Variants in SLMAP observed in about 807,000 individuals in gnomAD.
The protein encoded by SLMAP is sarcolemma associated protein.
A neutral mutation model predicts 128.8 loss-of-function variants in SLMAP; 44 were observed. That is an observed-to-expected ratio of 0.34 (90% confidence interval 0.27 to 0.44). The LOEUF (loss-of-function observed/expected upper bound fraction) is 0.44, where lower values mean the gene tolerates loss of function less well. Ranked by LOEUF, SLMAP falls within the 20% of genes least tolerant of loss-of-function variation. The probability of loss-of-function intolerance (pLI) is 1.00; values close to 1 mark genes in which losing one functional copy is unlikely to be tolerated. For synonymous variants in SLMAP, 327 were observed against 348.8 expected (o/e 0.94, Z 0.70); for missense variants, 787 against 985.3 (o/e 0.80, Z 2.69).
chr3:57,788,958 A>G (rs904319867), intron 2 of SLMAP, among the ~76,000 whole-genome samples: 3 of 152,152 alleles, frequency 2.0e-5, no homozygotes, highest in Admixed American at 6.6e-5. Context: ...TAGTGTTTGT[A>G]TACTTCAGTG....
rs1483331103 is a variant in SLMAP at position 57,860,705 on chromosome 3, A to G, written c.694A>G (p.Thr232Ala). The G allele has an allele frequency of 1.3e-6, 2 of 1,556,484 alleles. No homozygotes were observed. Among genetic ancestry groups the G allele is most frequent in the Admixed American group, 2.2e-5 (1 of 45,624 alleles). ...NQLQACSKNQ[T>A]EDSLRKELIA... is the part of the protein sequence containing the mutation. ...TAAATATCTTTTATTGTAGAATCAA[A>G]CAGAAGATAGTTTACGAAAGGAACT... The change falls in exon 9 of 25, where the codon ACA becomes GCA. Residue 232 changes from threonine to alanine, a missense_variant. Physicochemically the swap from Thr to Ala is moderately conservative, Grantham distance 58. Transcript: ENST00000671191.
intron 5 of SLMAP, among the ~76,000 whole-genome samples, chr3:57,848,517 CTT>C (rs2094371322): frequency 6.8e-6 from 1 of 146,856 alleles, no homozygotes; most frequent in Non-Finnish European, 1.5e-5. Flanking sequence ...CTTTCTTCTT[CTT>C]CCTTCTTTCT....
At chr3:57,814,407 C>T (rs1308525319) in intron 2 of SLMAP, among the ~76,000 whole-genome samples, 1 of 152,082 alleles carries the variant, frequency 6.6e-6, no homozygotes, top group Non-Finnish European at 1.5e-5. Flanking sequence ...GCTCAAATTG[C>T]TGAGGTTACA....
chr3:57,892,231 T>C (rs4273341), intron 15 of SLMAP, among the ~76,000 whole-genome samples: 24,109 of 152,172 alleles, frequency 0.16, 2,498 homozygotes, highest in East Asian at 0.44. Context: ...TTGTCTTTAA[T>C]TGGCAATGTT....
intron 10 of SLMAP, 54 bp from the exon 11 acceptor site, chr3:57,864,494 G>A (rs2095236881): frequency 1.1e-5 from 14 of 1,251,512 alleles, no homozygotes; most frequent in South Asian, 3.0e-5. Context: ...CCTGGGGCTC[G>A]CTCTTAAAAC....
rs533802511 is a variant in SLMAP, at chr3:57,897,708, A to G, written c.1501+776A>G. The G allele has an allele frequency of 4.6e-5, 7 of 152,308 alleles. No individual in the cohort carries two copies. The East Asian group carries it at 1.3e-3, about 29-fold the overall frequency. The allele number at this position is 152,308 out of a possible 1,614,324, so 9.4% of individuals were successfully genotyped here. A position where few individuals can be genotyped will look rare whatever the true frequency, so the allele number is the denominator to read the frequency against. On this transcript the variant is annotated intron_variant, in intron 17 of 24. Transcript: ENST00000671191. ...AACTCCATCTCAAAAAAAAAAATGA[A>G]AAAAAGAAAGAAATTTTAGATGTTG...
chr3:57,857,102 A>G (rs568570437), intron 6 of SLMAP, among the ~76,000 whole-genome samples: 7 of 152,212 alleles, frequency 4.6e-5, no homozygotes, highest in Non-Finnish European at 8.8e-5. Context: ...AGCTTTTTCT[A>G]TTGTATGTTT....
intron 2 of SLMAP, among the ~76,000 whole-genome samples, chr3:57,796,099 A>G (rs1181388280): frequency 6.6e-6 from 1 of 152,138 alleles, no homozygotes; most frequent in Non-Finnish European, 1.5e-5. Flanking sequence ...AAGGCCATAA[A>G]CATGTATTTT....
intron 2 of SLMAP, among the ~76,000 whole-genome samples, chr3:57,790,455 G>GA (rs144796582): frequency 2.5e-4 from 37 of 147,262 alleles, no homozygotes; most frequent in Admixed American, 4.0e-4. Flanking sequence ...CAAGGTTAAG[G>GA]AAAAAAAAAA....
chr3:57,828,619 A>T (rs1427306917), intron 2 of SLMAP, among the ~76,000 whole-genome samples: 1 of 152,136 alleles, frequency 6.6e-6, no homozygotes, highest in Non-Finnish European at 1.5e-5. Flanking sequence ...ATTTTATTCT[A>T]AGGTGTTTGA....
chr3:57,867,947 G>A (rs747976258), intron 13 of SLMAP, among the ~76,000 whole-genome samples: 2 of 152,120 alleles, frequency 1.3e-5, no homozygotes, highest in African/African-American at 4.8e-5. Context: ...ATCTTAGAGA[G>A]TAAAGGACAG....
intron 6 of SLMAP, among the ~76,000 whole-genome samples, 179 bp downstream of exon 6, chr3:57,849,995 G>A (rs2094443940): frequency 6.6e-6 from 1 of 152,144 alleles, no homozygotes; most frequent in Non-Finnish European, 1.5e-5. Flanking sequence ...GCAATAAAGT[G>A]AGACCCCTTT....
chr3:57,896,766 G>A (rs1322437741), intron 16 of SLMAP, 107 bp from the exon 17 acceptor site: 7 of 1,404,358 alleles, frequency 5.0e-6, no homozygotes, highest in Non-Finnish European at 6.7e-6. Flanking sequence ...TCAACTACCC[G>A]AATATAATAG....
chr3:57,858,223 G>A (rs188566912), intron 8 of SLMAP, 64 bp downstream of exon 8: 6 of 930,706 alleles, frequency 6.4e-6, no homozygotes, highest in Admixed American at 3.7e-5. Context: ...TCATTTCTTT[G>A]ACTATCATTT....
chr3:57,900,361 T>TC (rs1027243885), intron 17 of SLMAP: 1 of 152,240 alleles, frequency 6.6e-6, no homozygotes, highest in Non-Finnish European at 1.5e-5. Flanking sequence ...ATTTAGTTAC[T>TC]TTTAAATGAG....
chr3:57,807,137 T>C (rs1192326438), intron 2 of SLMAP, among the ~76,000 whole-genome samples: 1 of 152,240 alleles, frequency 6.6e-6, no homozygotes, highest in Non-Finnish European at 1.5e-5. Context: ...CTTTCTTTCA[T>C]ATATTTGTTG....
At chr3:57,789,456 G>A (rs1208295794) in intron 2 of SLMAP, among the ~76,000 whole-genome samples, 1 of 152,134 alleles carries the variant, frequency 6.6e-6, no homozygotes, top group African/African-American at 2.4e-5. Context: ...AGGCCAGGGT[G>A]TTCAGACATC....
At chr3:57,807,193 G>C (rs2090062699) in intron 2 of SLMAP, among the ~76,000 whole-genome samples, 1 of 152,120 alleles carries the variant, frequency 6.6e-6, no homozygotes, top group Non-Finnish European at 1.5e-5. Flanking sequence ...CATATCCTTT[G>C]CCTGCTTTTT....
rs780708181 is a variant in SLMAP at position 57,862,039 on chromosome 3, T to C, written c.919T>C (p.Tyr307His). 6.3e-7 allele frequency: 1 copy of C among 1,595,958 alleles called. No homozygotes were observed. The highest frequency in any genetic ancestry group is 8.6e-7 in the Non-Finnish European group (1 of 1,163,752). The change falls in exon 10 of 25, where the codon TAT becomes CAT. Residue 307 changes from tyrosine to histidine, a missense_variant. Tyr to His is a moderately conservative substitution (Grantham distance 83). Around this residue, in one of 2 missense-constraint regions of SLMAP, gnomAD observed 715 missense variants for 843.6 expected, o/e 0.85. Coordinates refer to ENST00000671191, the MANE Select transcript of SLMAP (RefSeq NM_001377540.1). ...AGAATTAAGAGAATTAGCCAACAAATATAATGGAGCAGTTAATGAGATTAA... is the reference window on the plus strand; with the variant it reads ...AGAATTAAGAGAATTAGCCAACAAACATAATGGAGCAGTTAATGAGATTAA... ...QEELRELANK[Y>H]NGAVNEIKDL...
Sources: gnomAD v4.1 joint callset for allele counts (sites outside exome capture counted in the v4.1 genomes callset) on GRCh38, gnomAD v4.1.1 for gene constraint, gnomAD v4.1.1 regional missense constraint, MANE v1.5 for transcripts, NCBI Gene and HGNC (gene_info 2026-07-23, HGNC 2026-07-21) for gene names.